The following PTGES3 variants were observed in gnomAD, a reference collection of about 807,000 sequenced individuals.
The protein encoded by PTGES3 is Hsp90 co-chaperone.
Under a neutral mutation model 29.9 loss-of-function variants are expected in PTGES3, and 5 were observed. The observed-to-expected ratio is 0.17, with a 90% CI of 0.09 to 0.35. The LOEUF is 0.35. PTGES3 is among the 10% of genes least tolerant of loss of function. PTGES3 has a pLI of 1.00. For missense variants in PTGES3, 128 were observed against 190.0 expected (o/e 0.67, Z 1.92); for synonymous variants, 49 against 57.8 (o/e 0.85, Z 0.69).
At chr12:56,687,640 G>A (rs1952942481) in intron 1 of PTGES3, 2 of 1,173,012 alleles carry the variant, frequency 1.7e-6, no homozygotes, top group African/African-American at 1.6e-5. Flanking sequence ...CAGCCGAGAG[G>A]CGACCCACGA....
rs1434233709 is a variant in PTGES3, at chr12:56,663,891, A to C, written c.*588T>G. 1 of 152,934 alleles carries C rather than the reference A, an allele frequency of 6.5e-6. No homozygotes were observed. The highest frequency in any genetic ancestry group is 2.4e-5 in the African/African-American group (1 of 41,468). 9.5% of individuals were successfully genotyped at this position (152,934 alleles called of 1,614,324 possible). On this transcript the variant is annotated 3_prime_UTR_variant, in exon 8 of 8. Coordinates refer to ENST00000262033, the MANE Select transcript of PTGES3 (RefSeq NM_006601.7). ...ACCAATTGTATAGGCTTCAAAAACC[A>C]TCTAAGTTAGGGCATTCTCTAGTTT...
At chr12:56,672,701 C>A in intron 3 of PTGES3, 39 bp downstream of exon 3, 1 of 1,504,312 alleles carries the variant, frequency 6.6e-7, no homozygotes, top group South Asian at 1.3e-5. Context: ...TCTGTTTCCT[C>A]ACAACTAAAA....
intron 1 of PTGES3, among the ~76,000 whole-genome samples, chr12:56,683,112 G>A (rs1952630420): frequency 6.6e-6 from 1 of 152,032 alleles, no homozygotes; most frequent in Non-Finnish European, 1.5e-5. Flanking sequence ...CACTCTAGGA[G>A]TCTGAGGCGC....
At chr12:56,685,994 C>T (rs560762952) in intron 1 of PTGES3, among the ~76,000 whole-genome samples, 1 of 152,028 alleles carries the variant, frequency 6.6e-6, no homozygotes, top group Non-Finnish European at 1.5e-5. Flanking sequence ...CCAGGCTGGT[C>T]TCTAACTCCT....
At position 56,666,368 on chromosome 12, in the gene PTGES3, C is replaced by A. The variant is rs531484691; in HGVS notation, c.376-102G>T. The A allele has an allele frequency of 1.3e-5, 17 of 1,338,342 alleles. No individual in the cohort carries two copies. In the South Asian group the frequency reaches 2.6e-4, roughly 20 times the overall value. 82.9% of individuals were successfully genotyped at this position (1,338,342 alleles called of 1,614,324 possible). Reference sequence around the variant, plus strand: ...TAAACCTTAAGTCTGCCACAGATATCAAAAAATGCAAAATGCAAATATAAG... The same window carrying A: ...TAAACCTTAAGTCTGCCACAGATATAAAAAAATGCAAAATGCAAATATAAG... On this transcript the variant is annotated intron_variant, in intron 5 of 7. Transcript: ENST00000262033.
At chr12:56,671,690 A>C in intron 4 of PTGES3, 59 bp downstream of exon 4, 2 of 1,111,756 alleles carry the variant, frequency 1.8e-6, no homozygotes, top group Non-Finnish European at 1.3e-6. Context: ...AAATAAGTAC[A>C]TCTTTTATTA....
chr12:56,684,355 T>TA (rs1465836609), intron 1 of PTGES3, among the ~76,000 whole-genome samples: 2 of 152,126 alleles, frequency 1.3e-5, no homozygotes, highest in Non-Finnish European at 2.9e-5. Context: ...GAAGAAAAAT[T>TA]AAAAATCCAG....
intron 1 of PTGES3, among the ~76,000 whole-genome samples, chr12:56,685,296 AAAG>A (rs923126891): frequency 3.5e-4 from 54 of 152,252 alleles, no homozygotes; most frequent in African/African-American, 1.3e-3. Context: ...ATTATTTTTA[AAAG>A]AATATTTTAG....
intron 1 of PTGES3, among the ~76,000 whole-genome samples, chr12:56,685,682 G>A (rs998988489): frequency 6.6e-6 from 1 of 150,968 alleles, no homozygotes; most frequent in African/African-American, 2.4e-5. Flanking sequence ...TTACAGGAGT[G>A]AGCCACCCCG....
At chr12:56,675,086 G>A (rs1035841160) in intron 1 of PTGES3, among the ~76,000 whole-genome samples, 26 of 150,018 alleles carry the variant, frequency 1.7e-4, no homozygotes, top group African/African-American at 6.4e-4. Context: ...CGGATCACGA[G>A]GTCAGGAGTT....
At position 56,681,394 on chromosome 12, in the gene PTGES3, C is replaced by T. The variant is rs534564072; in HGVS notation, c.2+6604G>A. Among the ~76,000 whole-genome samples, 13 of 151,380 alleles carry T rather than the reference C, an allele frequency of 8.6e-5. 2 individuals carry two copies. In the South Asian group the frequency reaches 2.3e-3, roughly 27 times the overall value. On this transcript the variant is annotated intron_variant, in intron 1 of 7. Transcript: ENST00000262033. ...TCTACTAAAAATACAAAAAATTAGC[C>T]GGATGAGGTGGCGGGAGCCTGTAGT...
Position 56,688,006 on chromosome 12 carries a change from C to T in PTGES3, c.-7G>A, listed in dbSNP as rs759877494. 3.8e-6 allele frequency: 6 copies of T among 1,588,684 alleles called. No individual in the cohort carries two copies. In the African/African-American group the frequency reaches 8.2e-5, roughly 22 times the overall value. On this transcript the variant is annotated 5_prime_UTR_variant, in exon 1 of 8. Coordinates refer to ENST00000262033, the MANE Select transcript of PTGES3 (RefSeq NM_006601.7). ...CGGGGTGTCGCACTCACATTGTGAA[C>T]GGGGCAGGGGGACGGGCGAACTGGT...
rs761630579 is a variant in PTGES3 at position 56,668,112 on chromosome 12, AAAAT to A, written c.376-1850_376-1847del. On this transcript the variant is annotated intron_variant, in intron 5 of 7. Transcript: ENST00000262033. The stretch of plus-strand genomic sequence containing the variant: ...AACAAGAGCAAAACTCTGCCTCAAA[AAAAT>A]AAATAAATAGTCTGTTAAAAGAGTA... 4.4e-4 allele frequency among the ~76,000 whole-genome samples: 67 copies of A among 152,354 alleles called. 1 individual carries two copies. The highest frequency in any genetic ancestry group is 4.1e-3 in the South Asian group (20 of 4,832).
At chr12:56,681,856 C>CA (rs1320555765) in intron 1 of PTGES3, among the ~76,000 whole-genome samples, 101 of 149,274 alleles carry the variant, frequency 6.8e-4, no homozygotes, top group African/African-American at 1.6e-3. Context: ...GACTCCATCT[C>CA]AAAAAAAAAG....
At position 56,673,049 on chromosome 12, in the gene PTGES3, T is replaced by C; in HGVS notation, c.19A>G (p.Lys7Glu). 6.2e-7 allele frequency: 1 copy of C among 1,604,128 alleles called. No homozygotes were observed. The change falls in exon 2 of 8, where the codon AAG becomes GAG. Residue 7 changes from lysine to glutamate, a missense_variant. Lys to Glu is a moderately conservative substitution (Grantham distance 56, BLOSUM62 1). Coordinates refer to ENST00000262033, the MANE Select transcript of PTGES3 (RefSeq NM_006601.7). Reference protein sequence around the residue: MQPASAKWYDRRDYVFI... With the variant: MQPASAEWYDRRDYVFI... Reference sequence around the variant, plus strand: ...ACATAGTCCCTTCGATCGTACCACTTTGCAGAAGCAGGCTGCCTACAAAAG... The same window carrying C: ...ACATAGTCCCTTCGATCGTACCACTCTGCAGAAGCAGGCTGCCTACAAAAG...
At chr12:56,687,453 T>C in intron 1 of PTGES3, 5 of 988,800 alleles carry the variant, frequency 5.1e-6, no homozygotes, top group Non-Finnish European at 6.0e-6. Context: ...GAGGGAAGTA[T>C]GTTGCGGCGT....
chr12:56,682,489 T>C (rs1952589475), intron 1 of PTGES3, among the ~76,000 whole-genome samples: 1 of 151,600 alleles, frequency 6.6e-6, no homozygotes, highest in South Asian at 2.1e-4. Flanking sequence ...TGATCCCAAG[T>C]TTGAGGCTGC....
Position 56,688,252 on chromosome 12 carries a change from G to A in PTGES3, c.-253C>T, listed in dbSNP as rs1004247722. 1.7e-5 allele frequency: 10 copies of A among 590,082 alleles called. No homozygotes were observed. The highest frequency in any genetic ancestry group is 2.4e-5 in the Non-Finnish European group (9 of 376,890). The allele number at this position is 590,082 out of a possible 1,614,324, so 36.6% of individuals were successfully genotyped here. ...GAAAAGGGGCGCGAGGACGGAGAAT[G>A]AACGTGCGTGCGTGCAAACGAGGGG... On this transcript the variant is annotated 5_prime_UTR_variant, in exon 1 of 8. Transcript: ENST00000262033.
chr12:56,670,087 T>C (rs1951945140), intron 5 of PTGES3, among the ~76,000 whole-genome samples, 188 bp downstream of exon 5: 1 of 152,186 alleles, frequency 6.6e-6, no homozygotes, highest in South Asian at 2.1e-4. Context: ...TTAAAATCAT[T>C]AAAATGGTTC....
Sources: gnomAD v4.1 joint callset for allele counts (sites outside exome capture counted in the v4.1 genomes callset) on GRCh38, gnomAD v4.1.1 for gene constraint, MANE v1.5 for transcripts, NCBI Gene and HGNC (gene_info 2026-07-23, HGNC 2026-07-21) for gene names.